Variants in ACTR3C observed in about 807,000 individuals in gnomAD.
ACTR3C encodes actin related protein 3C, also known as actin-related protein 3C.
A neutral mutation model predicts 26.3 loss-of-function variants in ACTR3C; 18 were observed. The ratio of observed to expected loss-of-function variants is 0.68; its 90% CI spans 0.47 to 1.01. The LOEUF is 1.01. Ranked by LOEUF, ACTR3C falls within the 50% of genes least tolerant of loss-of-function variation. ACTR3C has a pLI of 0.00. For synonymous variants in ACTR3C, 55 were observed against 94.5 expected, an observed-to-expected ratio of 0.58 and a Z score of 2.42; for missense variants, 184 against 250.7, an observed-to-expected ratio of 0.73 and a Z score of 1.80.
chr7:149,920,832 T>A, the ACTR3C span, among the ~76,000 whole-genome samples: 3 of 151,994 alleles, frequency 2.0e-5, no homozygotes, highest in Non-Finnish European at 4.4e-5. Context: ...AATGTCATGA[T>A]CTTGGCTCAC....
At chr7:150,187,237 T>C in the ACTR3C span, among the ~76,000 whole-genome samples, 2 of 150,880 alleles carry the variant, frequency 1.3e-5, no homozygotes, top group South Asian at 2.1e-4. Flanking sequence ...TCTTCTTATA[T>C]ATACTCTTCT....
the ACTR3C span, among the ~76,000 whole-genome samples, chr7:150,114,547 A>T: frequency 6.6e-6 from 1 of 152,178 alleles, no homozygotes; most frequent in South Asian, 2.1e-4. Context: ...ATTTCCGAGG[A>T]AGACGTGATT....
chr7:150,051,487 A>G, the ACTR3C span, among the ~76,000 whole-genome samples: 1 of 148,716 alleles, frequency 6.7e-6, no homozygotes, highest in Admixed American at 6.8e-5. Flanking sequence ...GAAACATGTC[A>G]ATATTTCCCT....
the ACTR3C span, among the ~76,000 whole-genome samples, chr7:149,940,879 T>G: frequency 6.6e-6 from 1 of 150,640 alleles, no homozygotes; most frequent in Non-Finnish European, 1.5e-5. Flanking sequence ...GGGGTCCTGC[T>G]CAGATGGCTC....
downstream of ACTR3C, chr7:150,244,131 A>C (rs1329644125): frequency 2.4e-5 from 3 of 127,596 alleles, no homozygotes; most frequent in African/African-American, 1.0e-4. Flanking sequence ...ATATAGTCTT[A>C]GAATATTGAA....
chr7:150,107,252 A>G, the ACTR3C span, among the ~76,000 whole-genome samples: 1 of 150,492 alleles, frequency 6.6e-6, no homozygotes, highest in Non-Finnish European at 1.5e-5. Flanking sequence ...AGAGCTTTTT[A>G]AGGAGAGCTG....
chr7:150,035,541 TCC>T, the ACTR3C span, among the ~76,000 whole-genome samples: 7 of 97,082 alleles, frequency 7.2e-5, no homozygotes, highest in African/African-American at 2.9e-4. Context: ...TGCCTCCCCC[TCC>T]TGCGATGGGG....
At chr7:149,897,920 G>A in the ACTR3C span, among the ~76,000 whole-genome samples, 2 of 151,820 alleles carry the variant, frequency 1.3e-5, no homozygotes, top group African/African-American at 4.9e-5. Context: ...CTTTTTCTCA[G>A]AAGGGCATCT....
the ACTR3C span, among the ~76,000 whole-genome samples, chr7:150,049,426 C>G: frequency 2.0e-5 from 3 of 152,240 alleles, no homozygotes; most frequent in African/African-American, 4.8e-5. Context: ...CCCGCCCCTG[C>G]CCATTCCGCC....
chr7:150,115,812 G>T, the ACTR3C span, among the ~76,000 whole-genome samples: 1 of 152,180 alleles, frequency 6.6e-6, no homozygotes, highest in Non-Finnish European at 1.5e-5. Context: ...TTCAGCAAAG[G>T]CTGGCCGATA....
chr7:149,952,448 A>G, the ACTR3C span, among the ~76,000 whole-genome samples: 1 of 147,592 alleles, frequency 6.8e-6, no homozygotes, highest in Admixed American at 6.6e-5. Flanking sequence ...GTCTAAAATT[A>G]TAATTGAAAA....
the ACTR3C span, among the ~76,000 whole-genome samples, chr7:150,238,352 A>T: frequency 7.9e-6 from 1 of 126,492 alleles, no homozygotes; most frequent in Non-Finnish European, 1.6e-5. Context: ...CAAACAATTA[A>T]TACAAAATTG....
At chr7:150,043,572 T>C in the ACTR3C span, among the ~76,000 whole-genome samples, 1 of 152,356 alleles carries the variant, frequency 6.6e-6, no homozygotes, top group East Asian at 1.9e-4. Context: ...CCTGGCCTCA[T>C]GGCTCCCACT....
chr7:149,968,732 A>G, the ACTR3C span, among the ~76,000 whole-genome samples: 1 of 152,046 alleles, frequency 6.6e-6, no homozygotes, highest in South Asian at 2.1e-4. Flanking sequence ...GCCATAGTCC[A>G]CAGGGCTGCA....
At chr7:149,979,824 A>G in the ACTR3C span, among the ~76,000 whole-genome samples, 1 of 150,178 alleles carries the variant, frequency 6.7e-6, no homozygotes, top group South Asian at 2.1e-4. Flanking sequence ...AGGGGTTTCA[A>G]CCTGTTCCCA....
chr7:150,214,402 G>A, the ACTR3C span, among the ~76,000 whole-genome samples: 127 of 152,044 alleles, frequency 8.4e-4, no homozygotes, highest in African/African-American at 3.0e-3. Flanking sequence ...GAACTAAGTG[G>A]ACATTTTAGA....
the ACTR3C span, among the ~76,000 whole-genome samples, chr7:149,895,084 C>G: frequency 6.6e-6 from 1 of 151,932 alleles, no homozygotes; most frequent in Non-Finnish European, 1.5e-5. Flanking sequence ...ATTCTGCCAT[C>G]TGCCCACAAC....
At chr7:150,121,146 C>T in the ACTR3C span, among the ~76,000 whole-genome samples, 3 of 152,180 alleles carry the variant, frequency 2.0e-5, no homozygotes, top group African/African-American at 7.2e-5. Context: ...TGGGCAAAAG[C>T]TGGAAACATT....
downstream of ACTR3C, among the ~76,000 whole-genome samples, chr7:150,240,054 C>T (rs1485181957): frequency 3.9e-5 from 6 of 152,196 alleles, no homozygotes; most frequent in East Asian, 9.6e-4. Flanking sequence ...CATGCCTGGC[C>T]TGGGCAAGAT....
Sources: allele counts gnomAD v4.1 joint callset (sites outside exome capture counted in the v4.1 genomes callset), GRCh38; gene constraint gnomAD v4.1.1; transcripts MANE v1.5; gene names NCBI Gene and HGNC (gene_info 2026-07-23, HGNC 2026-07-21).